Variants in CCDC73 observed in about 807,000 individuals in gnomAD.
CCDC73 encodes the protein coiled-coil domain-containing protein 73.
Under a neutral mutation model 116.5 loss-of-function variants are expected in CCDC73, and 95 were observed. That is an observed-to-expected ratio of 0.82 (90% CI 0.69 to 0.97). CCDC73 has a LOEUF of 0.97. Ranked by LOEUF, CCDC73 falls within the 50% of genes least tolerant of loss-of-function variation. CCDC73 has a pLI of 0.00. For missense variants in CCDC73, 1,066 were observed against 1,206.8 expected (o/e 0.88, Z 1.73); for synonymous variants, 398 against 401.3 (o/e 0.99, Z 0.10).
intron 9 of CCDC73, among the ~76,000 whole-genome samples, chr11:32,661,501 CCAAGTGTTCT>C: frequency 1.4e-5 from 2 of 142,590 alleles, no homozygotes; most frequent in Non-Finnish European, 3.0e-5. Flanking sequence ...CTTCCTGTGT[CCAAGTGTTCT>C]CATTGTTCAA....
At chr11:32,722,305 C>T (rs1373774394) in intron 2 of CCDC73, among the ~76,000 whole-genome samples, 1 of 152,156 alleles carries the variant, frequency 6.6e-6, no homozygotes, top group African/African-American at 2.4e-5. Context: ...AAAAGGTTAA[C>T]AAAAGCTTTT....
chr11:32,804,795 T>G, the CCDC73 span, among the ~76,000 whole-genome samples: 5 of 152,214 alleles, frequency 3.3e-5, no homozygotes, highest in Admixed American at 3.3e-4. Context: ...ACTTAAGCCC[T>G]GTTTGGATGC....
chr11:32,653,271 G>C (rs1377427234), intron 11 of CCDC73, 44 bp from the exon 12 acceptor site: 2 of 1,226,614 alleles, frequency 1.6e-6, no homozygotes, highest in African/African-American at 3.0e-5. Flanking sequence ...TTTTAAGATA[G>C]GTATGTTTCT....
At chr11:32,738,519 G>C (rs1481570529) in intron 2 of CCDC73, among the ~76,000 whole-genome samples, 1 of 151,706 alleles carries the variant, frequency 6.6e-6, no homozygotes, top group East Asian at 1.9e-4. Flanking sequence ...GAAATATTCA[G>C]ATCTTTTGCC....
chr11:32,656,868 GTAAGT>G lies in CCDC73; in HGVS notation c.646-1901_646-1897del, dbSNP rs540929189. 3.3e-5 allele frequency among the ~76,000 whole-genome samples: 5 copies of G among 150,546 alleles called. No individual in the cohort carries two copies. In the South Asian group the frequency reaches 1.0e-3, roughly 31 times the overall value. On this transcript the variant is annotated intron_variant, in intron 9 of 17. Transcript: ENST00000335185. ...CAACAAACTTTTGACTCTTGTAGAAGTAAGTTGATTTATTAGAGTGGCAAGATTAT... is the reference window on the plus strand; with the variant it reads ...CAACAAACTTTTGACTCTTGTAGAAGTGATTTATTAGAGTGGCAAGATTAT...
chr11:32,690,448 C>G (rs1004210712), intron 6 of CCDC73, among the ~76,000 whole-genome samples: 1 of 152,180 alleles, frequency 6.6e-6, no homozygotes, highest in African/African-American at 2.4e-5. Flanking sequence ...TATGGTTTGG[C>G]TCTGTGTCCC....
At chr11:32,678,253 T>C (rs1667910118) in intron 7 of CCDC73, among the ~76,000 whole-genome samples, 1 of 152,070 alleles carries the variant, frequency 6.6e-6, no homozygotes, top group South Asian at 2.1e-4. Flanking sequence ...CACTCCAGCC[T>C]GGGCACTAGA....
chr11:32,613,083 G>T (rs1030056625), intron 16 of CCDC73, among the ~76,000 whole-genome samples: 6 of 152,156 alleles, frequency 3.9e-5, no homozygotes, highest in African/African-American at 1.4e-4. Flanking sequence ...TGGTGTGGGT[G>T]AAGGGACAGA....
At chr11:32,699,531 C>A (rs1309522537) in intron 5 of CCDC73, among the ~76,000 whole-genome samples, 1 of 152,078 alleles carries the variant, frequency 6.6e-6, no homozygotes. Context: ...ACATATACAC[C>A]ATGGAATACT....
the CCDC73 span, among the ~76,000 whole-genome samples, chr11:32,811,085 A>AAT: frequency 6.6e-6 from 1 of 151,650 alleles, no homozygotes. Context: ...AACAAAAAAA[A>AAT]AAAACCTCTT....
chr11:32,730,971 G>A (rs986345607), intron 2 of CCDC73, among the ~76,000 whole-genome samples: 10 of 152,184 alleles, frequency 6.6e-5, no homozygotes, highest in South Asian at 2.1e-4. Flanking sequence ...AAAGCAGGGC[G>A]AGGCATCATC....
At position 32,730,631 on chromosome 11, in the gene CCDC73, G is replaced by C. The variant is rs148711726; in HGVS notation, c.136-12484C>G. On this transcript the variant is annotated intron_variant, in intron 2 of 17. Coordinates refer to ENST00000335185, the MANE Select transcript of CCDC73 (RefSeq NM_001008391.4). ...TTTTCAGTTCTTCCATGATGTATCTGGGTATTTTCTGTGTATTCATCCTAC... is the reference window on the plus strand; with the variant it reads ...TTTTCAGTTCTTCCATGATGTATCTCGGTATTTTCTGTGTATTCATCCTAC... 7.2e-3 allele frequency among the ~76,000 whole-genome samples: 1,090 copies of C among 152,166 alleles called. 17 individuals are homozygous for C. The highest frequency in any genetic ancestry group is 0.025 in the African/African-American group (1,051 of 41,530).
At chr11:32,773,452 A>C (rs1850507562) in intron 1 of CCDC73, among the ~76,000 whole-genome samples, 2 of 152,172 alleles carry the variant, frequency 1.3e-5, no homozygotes, top group South Asian at 4.1e-4. Flanking sequence ...ATCTCAATGA[A>C]AAAGCTATTT....
intron 3 of CCDC73, among the ~76,000 whole-genome samples, chr11:32,707,497 G>A (rs1161901786): frequency 2.0e-5 from 3 of 151,706 alleles, no homozygotes; most frequent in Non-Finnish European, 4.4e-5. Flanking sequence ...AAATTTACCT[G>A]GATAGTGATG....
At chr11:32,698,986 T>C (rs562704726) in intron 6 of CCDC73, among the ~76,000 whole-genome samples, 1 of 152,238 alleles carries the variant, frequency 6.6e-6, no homozygotes, top group East Asian at 1.9e-4. Flanking sequence ...TCATTTTCCT[T>C]ATGTGTAAAA....
chr11:32,717,135 T>A (rs1849953284), intron 3 of CCDC73, among the ~76,000 whole-genome samples: 1 of 152,172 alleles, frequency 6.6e-6, no homozygotes, highest in African/African-American at 2.4e-5. Context: ...TCTAGTTTGG[T>A]CTATCCACTA....
rs1349465349 is a variant in CCDC73, at chr11:32,614,912, T to C, written c.1406A>G (p.Asn469Ser). The C allele has an allele frequency of 2.5e-6, 4 of 1,603,198 alleles. No individual in the cohort carries two copies. The highest frequency in any genetic ancestry group is 2.2e-5 in the East Asian group (1 of 44,728). ...CTGAGAAACAACAGTATCAATTTCA[T>C]TCTTGAAGCTTTTTTCAAAAAGCTG... ...DLQLFEKSFKNEIDTVVSQDE... is the reference protein window; with the variant it reads ...DLQLFEKSFKSEIDTVVSQDE... Residue 469 changes from asparagine (N) to serine (S), a missense_variant, in exon 16 of 18, where the codon AAT (asparagine) becomes AGT (serine). Asn to Ser is a conservative substitution (Grantham distance 46). Transcript: ENST00000335185.
At chr11:32,766,563 C>T (rs908167105) in intron 1 of CCDC73, among the ~76,000 whole-genome samples, 8 of 152,144 alleles carry the variant, frequency 5.3e-5, no homozygotes, top group Admixed American at 2.0e-4. Context: ...AAAACCCCAT[C>T]GTCTCAGCCC....
At chr11:32,648,543 G>T (rs1855799024) in intron 12 of CCDC73, among the ~76,000 whole-genome samples, 1 of 151,894 alleles carries the variant, frequency 6.6e-6, no homozygotes, top group Non-Finnish European at 1.5e-5. Flanking sequence ...TGTCCTTAAA[G>T]AGTTTATACT....
Sources: gnomAD v4.1 joint callset for allele counts (sites outside exome capture counted in the v4.1 genomes callset) on GRCh38, gnomAD v4.1.1 for gene constraint, MANE v1.5 for transcripts, NCBI Gene and HGNC (gene_info 2026-07-23, HGNC 2026-07-21) for gene names.